Variants in SDHC observed in about 807,000 individuals in gnomAD.
SDHC encodes succinate dehydrogenase complex subunit C, also known as succinate dehydrogenase cytochrome b560 subunit, mitochondrial.
SDHC carries 11 observed loss-of-function variants against 22.6 expected under a neutral mutation model. That is an observed-to-expected ratio of 0.49 (90% CI 0.31 to 0.81). The LOEUF is 0.81. Among genes scored for constraint, SDHC ranks in the 30% least tolerant of loss-of-function variants. The probability of loss-of-function intolerance (pLI) is 0.05; values close to 1 mark genes in which losing one functional copy is unlikely to be tolerated. For missense variants in SDHC, 160 were observed against 212.0 expected (o/e 0.75, Z 1.52); for synonymous variants, 80 against 77.8 (o/e 1.03, Z -0.15).
chr1:161,317,866 CATAATAACATA>C (rs1402402164), intron 1 of SDHC, among the ~76,000 whole-genome samples: 3 of 151,864 alleles, frequency 2.0e-5, no homozygotes, highest in African/African-American at 4.8e-5. Flanking sequence ...AATGTAACAA[CATAATAACATA>C]ATAATAACAA....
intron 4 of SDHC, among the ~76,000 whole-genome samples, chr1:161,352,707 A>G (rs1018450501): frequency 1.3e-5 from 2 of 152,216 alleles, no homozygotes; most frequent in African/African-American, 4.8e-5. Flanking sequence ...TTAAGAGCTT[A>G]AGAAACTGAA....
chr1:161,315,927 A>G (rs986563668), intron 1 of SDHC, among the ~76,000 whole-genome samples: 4 of 152,156 alleles, frequency 2.6e-5, no homozygotes, highest in African/African-American at 9.7e-5. Flanking sequence ...TGGCAGGGTC[A>G]TAGGATAATA....
chr1:161,327,347 C>G (rs1310114019), intron 2 of SDHC, among the ~76,000 whole-genome samples: 1 of 152,098 alleles, frequency 6.6e-6, no homozygotes, highest in Non-Finnish European at 1.5e-5. Context: ...GAAAACTGTC[C>G]TTGACATTTT....
At chr1:161,340,023 A>G (rs1671663296) in intron 3 of SDHC, among the ~76,000 whole-genome samples, 1 of 151,964 alleles carries the variant, frequency 6.6e-6, no homozygotes, top group Non-Finnish European at 1.5e-5. Flanking sequence ...ACGGCTGGGC[A>G]CAGTGGCTCA....
intron 3 of SDHC, among the ~76,000 whole-genome samples, chr1:161,332,564 A>G (rs72714978): frequency 0.049 from 7,460 of 152,046 alleles, 291 homozygotes; most frequent in Middle Eastern, 0.082. Flanking sequence ...GAAAGCATAC[A>G]GTTTAGTGGC....
chr1:161,355,420 G>A (rs1437433820), intron 4 of SDHC, among the ~76,000 whole-genome samples: 1 of 152,060 alleles, frequency 6.6e-6, no homozygotes, highest in Non-Finnish European at 1.5e-5. Flanking sequence ...CTTTCTTGAT[G>A]GTATTATTTG....
At chr1:161,340,484 A>T in intron 3 of SDHC, 110 bp from the exon 4 acceptor site, 1 of 965,660 alleles carries the variant, frequency 1.0e-6, no homozygotes, top group Non-Finnish European at 1.6e-6. Flanking sequence ...AAAAAAAAAA[A>T]GAAAAAAAAG....
At chr1:161,339,238 A>C (rs976474117) in intron 3 of SDHC, among the ~76,000 whole-genome samples, 1 of 152,138 alleles carries the variant, frequency 6.6e-6, no homozygotes, top group Non-Finnish European at 1.5e-5. Flanking sequence ...GCTGGAGTAC[A>C]GTGGCACAGT....
At chr1:161,329,805 T>G (rs961136779) in intron 3 of SDHC, among the ~76,000 whole-genome samples, 11 of 152,338 alleles carry the variant, frequency 7.2e-5, no homozygotes, top group Admixed American at 7.2e-4. Flanking sequence ...CCTTGCCTTT[T>G]CCAACTTTTA....
intron 1 of SDHC, among the ~76,000 whole-genome samples, chr1:161,320,119 C>G (rs1262208823): frequency 6.6e-6 from 1 of 152,012 alleles, no homozygotes; most frequent in East Asian, 1.9e-4. Context: ...TTCAGGAGCT[C>G]TTGTTACAGT....
chr1:161,340,683 T>C, intron 4 of SDHC, 28 bp downstream of exon 4: 1 of 1,597,114 alleles, frequency 6.3e-7, no homozygotes, highest in African/African-American at 1.3e-5. Flanking sequence ...TACACACACA[T>C]ATGTGCTTCT....
intron 4 of SDHC, among the ~76,000 whole-genome samples, chr1:161,343,796 T>A (rs1671801024): frequency 6.6e-6 from 1 of 152,204 alleles, no homozygotes; most frequent in African/African-American, 2.4e-5. Context: ...GTAGTTTCCC[T>A]TATTATCTCA....
intron 3 of SDHC, among the ~76,000 whole-genome samples, chr1:161,333,754 A>G (rs991456430): frequency 1.3e-5 from 2 of 152,134 alleles, no homozygotes; most frequent in African/African-American, 4.8e-5. Flanking sequence ...TGACTGTACC[A>G]TTTTACATTC....
chr1:161,339,494 A>T (rs1671628056), intron 3 of SDHC: 1 of 832,232 alleles, frequency 1.2e-6, no homozygotes, highest in Non-Finnish European at 1.7e-6. Flanking sequence ...AACTTTAATG[A>T]GTGTCTTTGA....
At chr1:161,344,399 G>A (rs1364376520) in intron 4 of SDHC, among the ~76,000 whole-genome samples, 1 of 152,024 alleles carries the variant, frequency 6.6e-6, no homozygotes, top group African/African-American at 2.4e-5. Flanking sequence ...CAAGGCTGCA[G>A]TGAGCTGTCA....
intron 4 of SDHC, among the ~76,000 whole-genome samples, chr1:161,350,594 A>G (rs1237956441): frequency 6.6e-6 from 1 of 152,230 alleles, no homozygotes; most frequent in African/African-American, 2.4e-5. Context: ...ATTTTTTAAA[A>G]AAAATCAAAG....
chr1:161,340,565 T>A, intron 3 of SDHC, 29 bp from the exon 4 acceptor site: 1 of 1,605,868 alleles, frequency 6.2e-7, no homozygotes, highest in Non-Finnish European at 8.5e-7. Flanking sequence ...TTTTCCTTTT[T>A]AAAATTGTCT....
intron 5 of SDHC, among the ~76,000 whole-genome samples, chr1:161,359,211 C>T (rs1672405585): frequency 6.6e-6 from 1 of 152,130 alleles, no homozygotes; most frequent in Non-Finnish European, 1.5e-5. Flanking sequence ...TCTGAGTCAA[C>T]TGTCAGATGG....
chr1:161,353,657 C>A (rs1034972194), intron 4 of SDHC, among the ~76,000 whole-genome samples: 1 of 152,094 alleles, frequency 6.6e-6, no homozygotes, highest in East Asian at 1.9e-4. Flanking sequence ...TTATTTATTT[C>A]TTAGCCATTG....
Sources: gnomAD v4.1 joint callset for allele counts (sites outside exome capture counted in the v4.1 genomes callset) on GRCh38, gnomAD v4.1.1 for gene constraint, MANE v1.5 for transcripts, NCBI Gene and HGNC (gene_info 2026-07-23, HGNC 2026-07-21) for gene names.